MALRD1: variants seen among roughly 807,000 people sequenced by gnomAD.
MALRD1 encodes the protein MAM and LDL receptor class A domain containing 1.
A neutral mutation model predicts 242.1 loss-of-function variants in MALRD1; 247 were observed. That is an observed-to-expected ratio of 1.02 (90% CI 0.92 to 1.13). The LOEUF (loss-of-function observed/expected upper bound fraction) is 1.13, where lower values mean the gene tolerates loss of function less well. Ranked by LOEUF, MALRD1 falls within the 50% of genes most tolerant of loss-of-function variation. The pLI is 0.00. For missense variants in MALRD1, 2,989 were observed against 2,533.1 expected, an observed-to-expected ratio of 1.18 and a Z score of -3.86; for synonymous variants, 995 against 866.6, an observed-to-expected ratio of 1.15 and a Z score of -2.60.
rs78823217 is a variant in MALRD1 at position 19,676,235 on chromosome 10, G to C, written c.6138-16047G>C. Among the ~76,000 whole-genome samples the C allele has an allele frequency of 2.6e-3, 391 of 152,312 alleles. 6 individuals are homozygous for C. The East Asian group carries it at 0.058, about 23-fold the overall frequency. ...AGATTCTAAAAGCTGTGGGAAAGTA[G>C]TAAAGGTTTTGAGTCAGGCAACTTA... On this transcript the variant is annotated intron_variant, in intron 36 of 39. Coordinates refer to ENST00000454679, the MANE Select transcript of MALRD1 (RefSeq NM_001142308.3).
At chr10:19,713,141 A>G (rs1390074835) in intron 38 of MALRD1, among the ~76,000 whole-genome samples, 4 of 150,632 alleles carry the variant, frequency 2.7e-5, no homozygotes, top group Admixed American at 1.3e-4. Flanking sequence ...TTTCTTGCCT[A>G]TTAAACTCTC....
chr10:19,460,490 A>C (rs2131092508), intron 29 of MALRD1, among the ~76,000 whole-genome samples: 1 of 151,940 alleles, frequency 6.6e-6, no homozygotes, highest in Admixed American at 6.6e-5. Flanking sequence ...TTTCTGAAAA[A>C]CCTCATGTTT....
intron 31 of MALRD1, among the ~76,000 whole-genome samples, chr10:19,515,821 G>A (rs1727605621): frequency 6.6e-6 from 1 of 152,020 alleles, no homozygotes; most frequent in South Asian, 2.1e-4. Context: ...GCCTGCCTTG[G>A]CCTCCCAAAG....
At chr10:19,140,543 A>ATGTGTGTGTGTGTGTGTGTGTG (rs34024633) in intron 10 of MALRD1, among the ~76,000 whole-genome samples, 2 of 146,990 alleles carry the variant, frequency 1.4e-5, no homozygotes, top group African/African-American at 5.0e-5. Flanking sequence ...GTGTGTGTGT[A>ATGTGTGTGTGTGTGTGTGTGTG]TGTGTGTGTG....
chr10:19,545,582 T>G (rs1835174031), intron 32 of MALRD1, among the ~76,000 whole-genome samples: 1 of 152,210 alleles, frequency 6.6e-6, no homozygotes, highest in Admixed American at 6.5e-5. Flanking sequence ...CTTCAGGACT[T>G]TTACACTACC....
chr10:19,287,598 T>C (rs769972159), intron 21 of MALRD1, among the ~76,000 whole-genome samples: 1 of 152,136 alleles, frequency 6.6e-6, no homozygotes, highest in Non-Finnish European at 1.5e-5. Flanking sequence ...TCAATATCAG[T>C]TGCAAAATCA....
chr10:19,593,383 A>G (rs12255186), intron 33 of MALRD1, among the ~76,000 whole-genome samples: 4,327 of 152,252 alleles, frequency 0.028, 162 homozygotes, highest in African/African-American at 0.09. Flanking sequence ...ATACATCTTC[A>G]CTATTGGTTT....
chr10:19,543,742 A>T (rs1022228679), intron 32 of MALRD1, among the ~76,000 whole-genome samples: 5 of 152,136 alleles, frequency 3.3e-5, no homozygotes, highest in African/African-American at 1.2e-4. Flanking sequence ...CCAATGGAGA[A>T]TTCTTGGCAA....
chr10:19,667,196 C>A (rs1304939570), intron 36 of MALRD1, among the ~76,000 whole-genome samples: 1 of 152,064 alleles, frequency 6.6e-6, no homozygotes, highest in African/African-American at 2.4e-5. Context: ...GTGGCTCACA[C>A]CTATAATCCT....
At chr10:19,468,788 C>A (rs781205799) in intron 29 of MALRD1, among the ~76,000 whole-genome samples, 11 of 152,022 alleles carry the variant, frequency 7.2e-5, no homozygotes, top group Non-Finnish European at 1.5e-5. Flanking sequence ...CAGAAATACA[C>A]TCCTTGTTTA....
At chr10:19,436,591 C>G (rs1325402168) in intron 28 of MALRD1, among the ~76,000 whole-genome samples, 1 of 152,138 alleles carries the variant, frequency 6.6e-6, no homozygotes, top group East Asian at 1.9e-4. Context: ...GAGTACAGTG[C>G]TTACGTGCAG....
intron 26 of MALRD1, among the ~76,000 whole-genome samples, chr10:19,356,783 A>C: frequency 6.6e-6 from 1 of 152,162 alleles, no homozygotes; most frequent in East Asian, 1.9e-4. Flanking sequence ...ATTTCCAATA[A>C]TTTCAGCTAT....
At position 19,087,845 on chromosome 10, in the gene MALRD1, T is replaced by A; in HGVS notation, c.346T>A (p.Phe116Ile). The change falls in exon 3 of 40, where the codon TTC becomes ATC. Residue 116 changes from phenylalanine (F) to isoleucine (I), a missense_variant. By Grantham distance (21) the Phe-to-Ile change is conservative (BLOSUM62 0). Transcript: ENST00000454679. The part of the protein sequence containing the change: ...YDHNGDVSAH[F>I]LSLVSRVDSI... ...CTGTCTCTTCTTTCTGATAGCTCACTTCCTCTCACTGGTTTCCAGAGTGGA... is the reference window on the plus strand; with the variant it reads ...CTGTCTCTTCTTTCTGATAGCTCACATCCTCTCACTGGTTTCCAGAGTGGA... 8.1e-7 allele frequency: 1 copy of A among 1,231,178 alleles called. No individual in the cohort carries two copies. The highest frequency in any genetic ancestry group is 1.6e-5 in the African/African-American group (1 of 64,508). 76.3% of individuals were successfully genotyped at this position (1,231,178 alleles called of 1,614,324 possible). A position where few individuals can be genotyped will look rare whatever the true frequency, so the allele number is the denominator to read the frequency against.
At chr10:19,526,022 C>T (rs1246065337) in intron 31 of MALRD1, among the ~76,000 whole-genome samples, 4 of 152,042 alleles carry the variant, frequency 2.6e-5, no homozygotes, top group African/African-American at 9.7e-5. Flanking sequence ...TAATGATTTA[C>T]CATTAAATTC....
In MALRD1 at chr10:19,108,387, CTTTTTTTTTTTTTT is replaced by C. The variant is rs35948766; in HGVS notation, c.694+4337_694+4350del. ...TTATTGAGCTCATGAATTGTTTTTT[CTTTTTTTTTTTTTT>C]TTTTTTTTTTTTTTTTTTTTTTTTA... On this transcript the variant is annotated intron_variant, in intron 5 of 39. Transcript: ENST00000454679. Among the ~76,000 whole-genome samples the C allele has an allele frequency of 1.6e-3, 31 of 19,764 alleles. 1 individual carries two copies. Among genetic ancestry groups the C allele is most frequent in the African/African-American group, 5.8e-3 (16 of 2,782 alleles). 13.0% of individuals were successfully genotyped at this position (19,764 alleles called of 152,430 possible). A position where few individuals can be genotyped will look rare whatever the true frequency, so the allele number is the denominator to read the frequency against.
rs1833218958 is a variant in MALRD1, at chr10:19,133,942, A to G, written c.1197A>G (p.Thr399=). 2 of 1,224,856 alleles carry G rather than the reference A, an allele frequency of 1.6e-6. No homozygotes were observed. Among genetic ancestry groups the G allele is most frequent in the South Asian group, 4.1e-5 (1 of 24,176 alleles). 75.9% of individuals were successfully genotyped at this position (1,224,856 alleles called of 1,614,324 possible). The change falls in exon 9 of 40, where the codon ACA becomes ACG. Residue 399 remains threonine, a synonymous_variant. Transcript: ENST00000454679. ...ADVLIPEDLK[T]FKIIFEGTLL... ...TGTTAATACCAGAAGATCTGAAGAC[A>G]TTTAAGGTATGAAAGAAAAAAAAAA...
At chr10:19,255,306 G>A (rs1413475752) in intron 18 of MALRD1, among the ~76,000 whole-genome samples, 2 of 151,792 alleles carry the variant, frequency 1.3e-5, no homozygotes, top group African/African-American at 4.8e-5. Context: ...AATCAATACT[G>A]TCTTATATAC....
At chr10:19,433,392 G>A (rs1446450297) in intron 28 of MALRD1, among the ~76,000 whole-genome samples, 1 of 152,126 alleles carries the variant, frequency 6.6e-6, no homozygotes, top group Non-Finnish European at 1.5e-5. Flanking sequence ...TCTTTGAAAG[G>A]GAATGTGTGA....
intron 32 of MALRD1, among the ~76,000 whole-genome samples, chr10:19,540,095 G>T (rs960997327): frequency 1.1e-4 from 16 of 151,874 alleles, no homozygotes; most frequent in African/African-American, 3.6e-4. Context: ...TATCTTCTTT[G>T]TCAAACTCAC....
Sources: gnomAD v4.1 joint callset for allele counts (sites outside exome capture counted in the v4.1 genomes callset) on GRCh38, gnomAD v4.1.1 for gene constraint, MANE v1.5 for transcripts, NCBI Gene and HGNC (gene_info 2026-07-23, HGNC 2026-07-21) for gene names.